Variants in LACTBL1 observed in about 807,000 individuals in gnomAD.
LACTBL1 encodes beta-lactamase-like protein 1.
Under a neutral mutation model 39.6 loss-of-function variants are expected in LACTBL1, and 29 were observed. The observed-to-expected ratio is 0.73, with a 90% confidence interval of 0.55 to 1.00. The LOEUF (loss-of-function observed/expected upper bound fraction) is 1.00. LACTBL1 is among the 50% of genes least tolerant of loss of function. The pLI, the probability that LACTBL1 is intolerant of heterozygous loss-of-function variation, is 0.00. For synonymous variants in LACTBL1, 361 were observed against 360.7 expected (o/e 1.00, Z -0.01); for missense variants, 711 against 748.5 (o/e 0.95, Z 0.59).
At chr1:22,961,553 AG>A (rs1375046492) in intron 2 of LACTBL1, among the ~76,000 whole-genome samples, 1 of 151,996 alleles carries the variant, frequency 6.6e-6, no homozygotes, top group Non-Finnish European at 1.5e-5. Flanking sequence ...TAGTAGAGAC[AG>A]GGTTTCACCA....
chr1:22,959,833 G>T, intron 3 of LACTBL1, 109 bp downstream of exon 5: 1 of 1,299,746 alleles, frequency 7.7e-7, no homozygotes, highest in Non-Finnish European at 1.1e-6. Context: ...AATAGGCCCT[G>T]GCAGATTAGA....
chr1:22,968,461 T>C (rs946113124), upstream of LACTBL1, among the ~76,000 whole-genome samples: 9 of 152,248 alleles, frequency 5.9e-5, no homozygotes, highest in African/African-American at 1.9e-4. Context: ...ATCTTCTTGG[T>C]GACTAATAAT....
At chr1:22,954,241 G>C (rs1640740971) in intron 5 of LACTBL1, among the ~76,000 whole-genome samples, 1 of 152,186 alleles carries the variant, frequency 6.6e-6, no homozygotes, top group South Asian at 2.1e-4. Context: ...GAATTGCCCA[G>C]GGTCATACAG....
At chr1:22,971,828 T>A in the LACTBL1 span, among the ~76,000 whole-genome samples, 1 of 152,196 alleles carries the variant, frequency 6.6e-6, no homozygotes, top group Non-Finnish European at 1.5e-5. Context: ...TGTTCCTACA[T>A]CTTATAGGGT....
chr1:22,964,185 C>T (rs1640854738), intron 1 of LACTBL1, among the ~76,000 whole-genome samples: 1 of 152,178 alleles, frequency 6.6e-6, no homozygotes, highest in Non-Finnish European at 1.5e-5. Context: ...GATCCACCTG[C>T]CTCGGCCTCC....
chr1:22,968,803 A>G (rs1640909361), upstream of LACTBL1, among the ~76,000 whole-genome samples: 1 of 152,176 alleles, frequency 6.6e-6, no homozygotes, highest in Non-Finnish European at 1.5e-5. Context: ...TAACTCATAA[A>G]TTTGTAAGGA....
chr1:22,956,114 T>G (rs1278805718), intron 4 of LACTBL1, among the ~76,000 whole-genome samples: 1 of 150,092 alleles, frequency 6.7e-6, no homozygotes, highest in Non-Finnish European at 1.5e-5. Context: ...GGCTCACACC[T>G]GTAATCCCAG....
intron 1 of LACTBL1, 41 bp downstream of exon 3, chr1:22,965,249 G>T: frequency 7.7e-7 from 1 of 1,299,670 alleles, no homozygotes; most frequent in Non-Finnish European, 9.8e-7. Flanking sequence ...GGAGGACCCA[G>T]GGGGCTATGG....
chr1:22,959,948 A>G, exon 3 of LACTBL1: 1 of 1,551,126 alleles, frequency 6.4e-7, no homozygotes, highest in Non-Finnish European at 8.7e-7. Flanking sequence ...TGACCTGTAC[A>G]TGGTGTACTC....
At chr1:22,961,668 C>T (rs1291463289) in intron 2 of LACTBL1, among the ~76,000 whole-genome samples, 5 of 151,890 alleles carry the variant, frequency 3.3e-5, no homozygotes, top group Admixed American at 6.6e-5. Flanking sequence ...CTGGCCCCTA[C>T]GTCTTAATTA....
At chr1:22,955,788 C>T (rs1392607057) in intron 4 of LACTBL1, among the ~76,000 whole-genome samples, 3 of 152,266 alleles carry the variant, frequency 2.0e-5, no homozygotes, top group African/African-American at 7.2e-5. Context: ...TGGGGCCGGG[C>T]GCGGTGGCTC....
At chr1:22,954,169 T>C in intron 5 of LACTBL1, 145 bp from the exon 8 acceptor site, 1 of 1,406,126 alleles carries the variant, frequency 7.1e-7, no homozygotes, top group Non-Finnish European at 9.4e-7. Flanking sequence ...GGAAGAGACT[T>C]TGGAGCACTG....
At chr1:22,965,190 T>C in intron 1 of LACTBL1, 100 bp downstream of exon 3, 1 of 1,064,614 alleles carries the variant, frequency 9.4e-7, no homozygotes, top group Non-Finnish European at 1.2e-6. Context: ...GTCTAAATCT[T>C]ATGGTCCTCC....
the LACTBL1 span, chr1:22,972,828 G>A: frequency 1.0e-6 from 1 of 978,422 alleles, no homozygotes; most frequent in Non-Finnish European, 1.2e-6. Flanking sequence ...TTGGCTGACA[G>A]TGCCTCTGGG....
chr1:22,959,234 T>C (rs1483011245), intron 3 of LACTBL1, among the ~76,000 whole-genome samples: 1 of 152,242 alleles, frequency 6.6e-6, no homozygotes, highest in Non-Finnish European at 1.5e-5. Context: ...CTTAGGCAAG[T>C]TTCTAGACCC....
chr1:22,955,191 T>C, intron 5 of LACTBL1, 130 bp downstream of exon 7: 1 of 672,600 alleles, frequency 1.5e-6, no homozygotes, highest in East Asian at 2.8e-5. Context: ...GTCTTGCCCT[T>C]TGCAGCTGGG....
In LACTBL1 at chr1:22,955,229, C is replaced by G. The variant is rs1263463465; in HGVS notation, c.659+92G>C. On this transcript the variant is annotated intron_variant, in intron 5 of 5. Transcript: ENST00000426928. ...GCAGGTCTCTCCCGGCTCTGCCAAC[C>G]TAGGATGAGGTGATGTGGGCTCTTT... The G allele has an allele frequency of 3.9e-6, 4 of 1,030,076 alleles. No homozygotes were observed. The African/African-American group carries it at 6.3e-5, about 16-fold the overall frequency. 63.8% of individuals were successfully genotyped at this position (1,030,076 alleles called of 1,614,324 possible).
intron 2 of LACTBL1, 139 bp from the exon 5 acceptor site, chr1:22,960,238 G>A (rs1640806134): frequency 2.1e-6 from 2 of 954,572 alleles, no homozygotes; most frequent in African/African-American, 1.7e-5. Context: ...CATGGGCTGG[G>A]GCCCCCACTG....
At position 22,954,135 on chromosome 1, in the gene LACTBL1, C is replaced by T. The variant is rs531809611; in HGVS notation, c.660-111G>A. Reference sequence around the variant, plus strand: ...GCGGGGCTGGGAAGGAACCTGCTCCCCTGCATCCCAGGTGGTCAGACCTGG... The same window carrying T: ...GCGGGGCTGGGAAGGAACCTGCTCCTCTGCATCCCAGGTGGTCAGACCTGG... On this transcript the variant is annotated intron_variant, in intron 5 of 5. Coordinates refer to ENST00000426928, the Ensembl canonical transcript of LACTBL1. The T allele has an allele frequency of 1.7e-5, 25 of 1,440,870 alleles. No homozygotes were observed. In the African/African-American group the frequency reaches 2.9e-4, roughly 17 times the overall value. The allele number at this position is 1,440,870 out of a possible 1,614,324, so 89.3% of individuals were successfully genotyped here. A position where few individuals can be genotyped will look rare whatever the true frequency, so the allele number is the denominator to read the frequency against.
Sources: gnomAD v4.1 joint callset for allele counts (sites outside exome capture counted in the v4.1 genomes callset) on GRCh38, gnomAD v4.1.1 for gene constraint, MANE v1.5 for transcripts, NCBI Gene and HGNC (gene_info 2026-07-23, HGNC 2026-07-21) for gene names.